Variants in CBFB observed in about 807,000 individuals in gnomAD.
The protein encoded by CBFB is CBF-beta.
A neutral mutation model predicts 30.4 loss-of-function variants in CBFB; 9 were observed. The observed-to-expected ratio is 0.30, with a 90% CI of 0.18 to 0.52. The LOEUF (loss-of-function observed/expected upper bound fraction) is 0.52. Among genes scored for constraint, CBFB ranks in the 20% least tolerant of loss-of-function variants. The pLI is 0.97. For missense variants in CBFB, 170 were observed against 244.0 expected, an observed-to-expected ratio of 0.70 and a Z score of 2.02; for synonymous variants, 94 against 84.0, an observed-to-expected ratio of 1.12 and a Z score of -0.65.
At chr16:67,097,507 T>G (rs989939452) in intron 5 of CBFB, among the ~76,000 whole-genome samples, 1 of 142,410 alleles carries the variant, frequency 7.0e-6, no homozygotes, top group African/African-American at 2.7e-5. Context: ...ATTGCGCCAC[T>G]GCACTCCAGC....
intron 4 of CBFB, among the ~76,000 whole-genome samples, chr16:67,074,716 T>TA (rs2145761012): frequency 6.6e-6 from 1 of 152,186 alleles, no homozygotes; most frequent in African/African-American, 2.4e-5. Flanking sequence ...AATGAGAAGA[T>TA]CATTTTGTGA....
In CBFB at chr16:67,098,959, G is replaced by C. The variant is rs374475448; in HGVS notation, c.*181G>C. 4.4e-6 allele frequency: 2 copies of C among 450,352 alleles called. No homozygotes were observed. The allele number at this position is 450,352 out of a possible 1,614,324, so 27.9% of individuals were successfully genotyped here. On this transcript the variant is annotated 3_prime_UTR_variant, in exon 6 of 6. Transcript: ENST00000412916. The stretch of plus-strand genomic sequence containing the variant: ...GTTTTGCACTATGATTATAATACCT[G>C]CATTTCTAATTTTTTAAGCATGTAG...
intron 4 of CBFB, 116 bp from the exon 5 acceptor site, chr16:67,082,097 G>A: frequency 1.4e-6 from 1 of 726,872 alleles, no homozygotes; most frequent in Non-Finnish European, 2.0e-6. Flanking sequence ...GAGATTACAG[G>A]CGTGAGCCAC....
At position 67,092,698 on chromosome 16, in the gene CBFB, C is replaced by CTTTTTTTTTTTT. The variant is rs777213321; in HGVS notation, c.496-5991_496-5980dup. Among the ~76,000 whole-genome samples the CTTTTTTTTTTTT allele has an allele frequency of 2.1e-4, 7 of 33,528 alleles. 1 individual carries two copies. Among genetic ancestry groups the CTTTTTTTTTTTT allele is most frequent in the African/African-American group, 4.6e-4 (4 of 8,718 alleles). 22.0% of individuals were successfully genotyped at this position (33,528 alleles called of 152,430 possible). A position where few individuals can be genotyped will look rare whatever the true frequency, so the allele number is the denominator to read the frequency against. On this transcript the variant is annotated intron_variant, in intron 5 of 5. Coordinates refer to ENST00000412916, the MANE Select transcript of CBFB (RefSeq NM_022845.3). ...CCAGGCTAGGTTACAGTGGTGCAAT[C>CTTTTTTTTTTTT]TTTTTTTTTTTTTTTTTTTTTTTTT...
rs926787681 is a variant in CBFB, at chr16:67,085,839, G to A, written c.495+3531G>A. Among the ~76,000 whole-genome samples the A allele has an allele frequency of 4.5e-4, 68 of 151,236 alleles. 2 individuals are homozygous for A. The highest frequency in any genetic ancestry group is 1.2e-4 in the Non-Finnish European group (8 of 67,618). On this transcript the variant is annotated intron_variant, in intron 5 of 5. Transcript: ENST00000412916. Reference sequence around the variant, plus strand: ...ACCACAGGCGCCCGCCACCATGCCCGGCTAATTTTTTGTATTTTTTAGTAG... The same window carrying A: ...ACCACAGGCGCCCGCCACCATGCCCAGCTAATTTTTTGTATTTTTTAGTAG...
intron 2 of CBFB, chr16:67,030,019 T>C: frequency 2.2e-6 from 1 of 456,026 alleles, no homozygotes; most frequent in South Asian, 3.6e-5. Context: ...CTCGCCGCGG[T>C]GGCGCGTGTC....
chr16:67,038,656 G>GT (rs912821609), intron 3 of CBFB, among the ~76,000 whole-genome samples: 3 of 151,674 alleles, frequency 2.0e-5, no homozygotes, highest in African/African-American at 4.8e-5. Flanking sequence ...ACGATTATTG[G>GT]TTTTTTTGTG....
intron 2 of CBFB, 27 bp from the exon 3 acceptor site, chr16:67,036,612 T>C: frequency 8.0e-7 from 1 of 1,248,016 alleles, no homozygotes; most frequent in Non-Finnish European, 1.2e-6. Flanking sequence ...CTGCTCCTGA[T>C]CCTGTTTGTA....
intron 5 of CBFB, among the ~76,000 whole-genome samples, chr16:67,088,304 T>C (rs1430115277): frequency 6.6e-6 from 1 of 152,234 alleles, no homozygotes; most frequent in Admixed American, 6.5e-5. Context: ...TTACCTTCTT[T>C]TTCCTAAAAA....
intron 3 of CBFB, among the ~76,000 whole-genome samples, chr16:67,040,391 G>A (rs1966510343): frequency 6.6e-6 from 1 of 152,220 alleles, no homozygotes; most frequent in Non-Finnish European, 1.5e-5. Context: ...AGGCTTTAGA[G>A]TTAGGCAAAA....
chr16:67,053,023 G>A (rs1209565201), intron 3 of CBFB, among the ~76,000 whole-genome samples: 18 of 144,960 alleles, frequency 1.2e-4, no homozygotes, highest in Middle Eastern at 3.5e-3. Context: ...AAAAAAAAAA[G>A]AAAAAAAGAG....
intron 5 of CBFB, among the ~76,000 whole-genome samples, chr16:67,096,266 G>A (rs138430658): frequency 0.029 from 4,397 of 151,738 alleles, 71 homozygotes; most frequent in Admixed American, 0.034. Context: ...AGCTGAGATT[G>A]CGCTACTGTA....
At chr16:67,058,408 C>G (rs542526363) in intron 3 of CBFB, among the ~76,000 whole-genome samples, 1 of 152,120 alleles carries the variant, frequency 6.6e-6, no homozygotes, top group Non-Finnish European at 1.5e-5. Flanking sequence ...TCCAAAGTGC[C>G]GGGATCACAG....
intron 5 of CBFB, among the ~76,000 whole-genome samples, chr16:67,090,575 T>C (rs1163308276): frequency 2.0e-5 from 3 of 152,244 alleles, no homozygotes; most frequent in Non-Finnish European, 4.4e-5. Flanking sequence ...CACTAGTCTC[T>C]GTTTCCAGAG....
intron 3 of CBFB, among the ~76,000 whole-genome samples, chr16:67,063,450 T>G (rs1391514540): frequency 6.6e-6 from 1 of 152,110 alleles, no homozygotes; most frequent in Non-Finnish European, 1.5e-5. Context: ...TATTTATTTT[T>G]TATTTTTTTG....
At chr16:67,029,517 G>T (rs1489334477) in intron 1 of CBFB, 32 bp downstream of exon 1, 1 of 1,562,940 alleles carries the variant, frequency 6.4e-7, no homozygotes, top group Non-Finnish European at 8.7e-7. Flanking sequence ...CTAGGAGGCC[G>T]CAGCGCGCCC....
intron 5 of CBFB, among the ~76,000 whole-genome samples, chr16:67,098,114 T>TTTTG (rs369708538): frequency 0.03 from 4,476 of 150,596 alleles, 87 homozygotes; most frequent in Non-Finnish European, 0.036. Context: ...TTGTGGGGTT[T>TTTTG]TTTGTTTGTT....
At position 67,085,706 on chromosome 16, in the gene CBFB, C is replaced by T. The variant is rs369611891; in HGVS notation, c.495+3398C>T. 2.4e-5 allele frequency among the ~76,000 whole-genome samples: 3 copies of T among 127,568 alleles called. No individual in the cohort carries two copies. In the East Asian group the frequency reaches 7.0e-4, roughly 30 times the overall value. 83.7% of individuals were successfully genotyped at this position (127,568 alleles called of 152,430 possible). On this transcript the variant is annotated intron_variant, in intron 5 of 5. Transcript: ENST00000412916. Reference sequence around the variant, plus strand: ...TTTTTTTTTTTTTTTGAGACGGAGTCTCGCTCTGTCGCCCAGGCTGGAGTG... The same window carrying T: ...TTTTTTTTTTTTTTTGAGACGGAGTTTCGCTCTGTCGCCCAGGCTGGAGTG...
chr16:67,082,982 A>G (rs1350601060), intron 5 of CBFB, among the ~76,000 whole-genome samples: 2 of 152,210 alleles, frequency 1.3e-5, no homozygotes, highest in Non-Finnish European at 1.5e-5. Context: ...TGGTCAAAAA[A>G]TAAAACTTTG....
Sources: gnomAD v4.1 joint callset for allele counts (sites outside exome capture counted in the v4.1 genomes callset) on GRCh38, gnomAD v4.1.1 for gene constraint, MANE v1.5 for transcripts, NCBI Gene and HGNC (gene_info 2026-07-23, HGNC 2026-07-21) for gene names.